Variants in SLCO2A1 observed in about 807,000 individuals in gnomAD.
The protein encoded by SLCO2A1 is matrin F/G 1.
A neutral mutation model predicts 71.7 loss-of-function variants in SLCO2A1; 60 were observed. The ratio of observed to expected loss-of-function variants is 0.84; its 90% CI spans 0.68 to 1.04. SLCO2A1 has a LOEUF of 1.04. Among genes scored for constraint, SLCO2A1 ranks in the 50% least tolerant of loss-of-function variants. The pLI is 0.00. For synonymous variants in SLCO2A1, 308 were observed against 326.7 expected, an observed-to-expected ratio of 0.94 and a Z score of 0.62; for missense variants, 745 against 813.4, an observed-to-expected ratio of 0.92 and a Z score of 1.02.
intron 6 of SLCO2A1, 110 bp from the exon 7 acceptor site, chr3:133,949,081 C>G: frequency 1.1e-6 from 1 of 886,612 alleles, no homozygotes; most frequent in South Asian, 1.4e-5. Context: ...TGGAGGTGAG[C>G]CCCCTCCAGG....
intron 1 of SLCO2A1, among the ~76,000 whole-genome samples, chr3:133,983,233 T>C (rs1371147592): frequency 6.6e-6 from 1 of 152,160 alleles, no homozygotes; most frequent in Non-Finnish European, 1.5e-5. Flanking sequence ...CGACATTACA[T>C]CATAAGGAAG....
chr3:133,938,925 C>T (rs1444213593), intron 11 of SLCO2A1, among the ~76,000 whole-genome samples: 1 of 151,968 alleles, frequency 6.6e-6, no homozygotes, highest in East Asian at 1.9e-4. Context: ...GTGTTGATAG[C>T]AGCAGGTCTG....
At chr3:133,949,370 C>T (rs140117297) in intron 6 of SLCO2A1, among the ~76,000 whole-genome samples, 10 of 151,828 alleles carry the variant, frequency 6.6e-5, no homozygotes, top group Non-Finnish European at 1.0e-4. Flanking sequence ...GTCTAGAATG[C>T]CATCTGTTTC....
At chr3:134,018,133 C>T (rs1935499723) in intron 1 of SLCO2A1, among the ~76,000 whole-genome samples, 1 of 152,182 alleles carries the variant, frequency 6.6e-6, no homozygotes, top group Non-Finnish European at 1.5e-5. Flanking sequence ...CCGTTGTTCT[C>T]TCTTCCTTTC....
chr3:133,944,348 C>A (rs73861267), intron 10 of SLCO2A1, among the ~76,000 whole-genome samples: 1 of 152,230 alleles, frequency 6.6e-6, no homozygotes, highest in Non-Finnish European at 1.5e-5. Flanking sequence ...ACCATCACAT[C>A]CTCAGCACTC....
chr3:133,979,622 G>C lies in SLCO2A1; in HGVS notation c.97-4C>G, dbSNP rs760249811. On this transcript the variant is annotated splice_region_variant and splice_polypyrimidine_tract_variant and intron_variant, in intron 1 of 13. Transcript: ENST00000310926. ...GGCCTTGGCAGAGCACAAACACCTG[G>C]GGGAAGAGTGATGGGCCCGTGAGGT... 5.0e-6 allele frequency: 8 copies of C among 1,605,358 alleles called. No individual in the cohort carries two copies. The highest frequency in any genetic ancestry group is 1.7e-5 in the Admixed American group (1 of 59,174).
intron 3 of SLCO2A1, among the ~76,000 whole-genome samples, chr3:133,964,152 G>C (rs1934111668): frequency 6.6e-6 from 1 of 152,186 alleles, no homozygotes; most frequent in Non-Finnish European, 1.5e-5. Flanking sequence ...AGGAAAAAAT[G>C]AGTTGACGTT....
chr3:133,956,736 T>TA (rs1219264235), intron 3 of SLCO2A1, among the ~76,000 whole-genome samples: 1 of 152,234 alleles, frequency 6.6e-6, no homozygotes. Flanking sequence ...GCCTTTTTTT[T>TA]ACACAGAAAG....
intron 1 of SLCO2A1, among the ~76,000 whole-genome samples, chr3:134,011,891 G>A (rs573004813): frequency 5.5e-4 from 84 of 152,208 alleles, no homozygotes; most frequent in African/African-American, 1.8e-3. Context: ...AGAGGGAGGC[G>A]GGGGTAAGAA....
chr3:133,999,429 A>G (rs967436365), intron 1 of SLCO2A1, among the ~76,000 whole-genome samples: 1 of 152,174 alleles, frequency 6.6e-6, no homozygotes, highest in African/African-American at 2.4e-5. Context: ...GTAAGCAAGT[A>G]TTTATTGATT....
intron 2 of SLCO2A1, among the ~76,000 whole-genome samples, chr3:133,979,101 C>T (rs61106283): frequency 0.062 from 9,372 of 152,258 alleles, 452 homozygotes; most frequent in African/African-American, 0.14. Flanking sequence ...GCAGATTGCA[C>T]AGAACTAAAT....
chr3:133,949,174 G>A (rs1933670696), intron 6 of SLCO2A1: 18 of 593,628 alleles, frequency 3.0e-5, no homozygotes, highest in South Asian at 2.4e-4. Context: ...TGTTTTGGCC[G>A]ACAATCAGAA....
intron 3 of SLCO2A1, among the ~76,000 whole-genome samples, chr3:133,961,177 G>A (rs528176975): frequency 1.3e-5 from 2 of 152,198 alleles, no homozygotes; most frequent in East Asian, 3.9e-4. Flanking sequence ...AACTGAGACG[G>A]GTAAGGAGGG....
intron 1 of SLCO2A1, among the ~76,000 whole-genome samples, chr3:134,006,629 C>T (rs1354913755): frequency 6.6e-6 from 1 of 152,172 alleles, no homozygotes; most frequent in African/African-American, 2.4e-5. Flanking sequence ...CAAGTTTCAT[C>T]TGTATTGTAG....
chr3:133,948,604 G>C lies in SLCO2A1; in HGVS notation c.1037C>G (p.Ser346Cys). The change falls in exon 8 of 14, where the codon TCC becomes TGC. Residue 346 changes from serine to cysteine, a missense_variant. Ser to Cys is a moderately radical substitution (Grantham distance 112, BLOSUM62 -1). Transcript: ENST00000310926. Reference protein sequence around the residue: ...CTFSSVIAGLSTFLNKFLEKQ... With the variant: ...CTFSSVIAGLCTFLNKFLEKQ... The stretch of plus-strand genomic sequence containing the variant: ...CTCCAGGAACTTGTTGAGGAAGGTG[G>C]AGAGGCCAGCAATGACGGAGGAGAA... 1 of 1,614,174 alleles carries C rather than the reference G, an allele frequency of 6.2e-7. No homozygotes were observed. The highest frequency in any genetic ancestry group is 8.5e-7 in the Non-Finnish European group (1 of 1,180,010).
chr3:133,945,306 A>C (rs773583191), intron 9 of SLCO2A1, 46 bp from the exon 10 acceptor site: 4 of 1,557,666 alleles, frequency 2.6e-6, no homozygotes, highest in Non-Finnish European at 3.5e-6. Flanking sequence ...GCAAGACCAA[A>C]GAAAAACCCT....
chr3:134,017,558 C>G (rs1476365774), intron 1 of SLCO2A1, among the ~76,000 whole-genome samples: 1 of 152,222 alleles, frequency 6.6e-6, no homozygotes, highest in Non-Finnish European at 1.5e-5. Flanking sequence ...AGGGGCCAAA[C>G]TAGCCTGGCC....
chr3:134,024,605 C>T (rs1559962404), intron 1 of SLCO2A1, among the ~76,000 whole-genome samples: 2 of 152,330 alleles, frequency 1.3e-5, no homozygotes, highest in African/African-American at 4.8e-5. Flanking sequence ...TGGCCTGTCT[C>T]TCAAAACAAC....
chr3:133,988,988 C>T lies in SLCO2A1; in HGVS notation c.97-9370G>A, dbSNP rs117098213. ...AAAGGGAAAACCCCATCTTCCCACTCTGAGTAACAAAGGATCAAAGGCTAC... is the reference window on the plus strand; with the variant it reads ...AAAGGGAAAACCCCATCTTCCCACTTTGAGTAACAAAGGATCAAAGGCTAC... On this transcript the variant is annotated intron_variant, in intron 1 of 13. Coordinates refer to ENST00000310926, the MANE Select transcript of SLCO2A1 (RefSeq NM_005630.3). Among the ~76,000 whole-genome samples, 66 of 152,360 alleles carry T rather than the reference C, an allele frequency of 4.3e-4. 2 individuals carry two copies. The East Asian group carries it at 0.013, about 29-fold the overall frequency.
Sources: gnomAD v4.1 joint callset for allele counts (sites outside exome capture counted in the v4.1 genomes callset) on GRCh38, gnomAD v4.1.1 for gene constraint, MANE v1.5 for transcripts, NCBI Gene and HGNC (gene_info 2026-07-23, HGNC 2026-07-21) for gene names.